The following NOTCH2NLR variants were observed in gnomAD, a reference collection of about 807,000 sequenced individuals.
NOTCH2NLR encodes notch 2 N-terminal like R (pseudogene).
In NOTCH2NLR, 33 loss-of-function variants were observed where a neutral mutation model predicts 35.6. That is an observed-to-expected ratio of 0.93 (90% CI 0.70 to 1.24). The LOEUF is 1.24. Among genes scored for constraint, NOTCH2NLR ranks in the 50% most tolerant of loss-of-function variants. The pLI, the probability that NOTCH2NLR is intolerant of heterozygous loss-of-function variation, is 0.00. For synonymous variants in NOTCH2NLR, 103 were observed against 141.0 expected (o/e 0.73, Z 1.91); for missense variants, 276 against 362.2 (o/e 0.76, Z 1.93).
At chr1:120,758,762 A>C (rs1651102348) in intron 1 of NOTCH2NLR, among the ~76,000 whole-genome samples, 1 of 44,728 alleles carries the variant, frequency 2.2e-5, no homozygotes, top group Admixed American at 2.0e-4. Context: ...CTGGAATACC[A>C]GTCTAATTCC....
intron 2 of NOTCH2NLR, among the ~76,000 whole-genome samples, chr1:120,765,766 G>A (rs1190011334): frequency 7.9e-6 from 1 of 126,684 alleles, no homozygotes; most frequent in East Asian, 2.0e-4. Context: ...TAAAGAAAAT[G>A]TGGCATGTAT....
At chr1:120,770,421 G>A (rs1172744922) in intron 2 of NOTCH2NLR, among the ~76,000 whole-genome samples, 4 of 111,394 alleles carry the variant, frequency 3.6e-5, no homozygotes, top group South Asian at 2.6e-4. Flanking sequence ...TGCCCGCCTC[G>A]GCCTCCCAAA....
At chr1:120,789,503 A>T (rs1212903887) in intron 3 of NOTCH2NLR, among the ~76,000 whole-genome samples, 3 of 113,798 alleles carry the variant, frequency 2.6e-5, no homozygotes, top group Non-Finnish European at 5.0e-5. Context: ...GCAAAAGCAG[A>T]ACCCCTGAGG....
Position 120,790,396 on chromosome 1 carries a change from T to C in NOTCH2NLR, c.416-2765T>C, listed in dbSNP as rs1439262882. Among the ~76,000 whole-genome samples, 5 of 115,606 alleles carry C rather than the reference T, an allele frequency of 4.3e-5. 1 individual carries two copies. The highest frequency in any genetic ancestry group is 8.2e-5 in the Non-Finnish European group (5 of 60,656). 75.8% of individuals were successfully genotyped at this position (115,606 alleles called of 152,430 possible). ...CAGATCAAGGTCATCCTTTTGGTTT[T>C]TGTGATAGCACTATACCTCAGTCAG... On this transcript the variant is annotated intron_variant, in intron 3 of 4. Transcript: ENST00000624419.
At position 120,724,707 on chromosome 1, in the gene NOTCH2NLR, A is replaced by C. The variant is rs1650798719; in HGVS notation, c.73+457A>C. ...CAAGCCAAACGGCCTGCAGCTTCGC[A>C]GCCAGCCTCGCCTTTGCCAGGGGGC... On this transcript the variant is annotated intron_variant, in intron 1 of 4. Coordinates refer to ENST00000624419, the Ensembl canonical transcript of NOTCH2NLR. Among the ~76,000 whole-genome samples, 2 of 124,314 alleles carry C rather than the reference A, an allele frequency of 1.6e-5. 1 individual carries two copies. Among genetic ancestry groups the C allele is most frequent in the Non-Finnish European group, 3.3e-5 (2 of 61,338 alleles). 81.6% of individuals were successfully genotyped at this position (124,314 alleles called of 152,430 possible).
chr1:120,784,926 C>T (rs1651404388), intron 2 of NOTCH2NLR, 48 bp from the exon 3 acceptor site: 1 of 1,148,074 alleles, frequency 8.7e-7, no homozygotes. Flanking sequence ...ATTTTTTGGA[C>T]TTACAAGAAG....
chr1:120,754,299 G>C (rs1181389889), intron 1 of NOTCH2NLR, among the ~76,000 whole-genome samples: 1 of 35,258 alleles, frequency 2.8e-5, no homozygotes, highest in Non-Finnish European at 4.8e-5. Flanking sequence ...TACAGATAGT[G>C]GAACAGAACA....
intron 2 of NOTCH2NLR, among the ~76,000 whole-genome samples, chr1:120,769,288 A>C (rs1651233631): frequency 6.6e-6 from 1 of 151,834 alleles, no homozygotes; most frequent in Non-Finnish European, 1.5e-5. Flanking sequence ...AGGCGTTTTC[A>C]GAAGTCATGG....
Position 120,764,017 on chromosome 1 carries a change from G to A in NOTCH2NLR, c.155+308G>A, listed in dbSNP as rs1382636318. On this transcript the variant is annotated intron_variant, in intron 2 of 4. Coordinates refer to ENST00000624419, the Ensembl canonical transcript of NOTCH2NLR. ...TAATCCCAGCACTTCAGGAGGCTGA[G>A]TTGGGCGAATCACGAGGTCAGGAGT... Among the ~76,000 whole-genome samples, 8 of 115,102 alleles carry A rather than the reference G, an allele frequency of 7.0e-5. 2 individuals are homozygous for A. The highest frequency in any genetic ancestry group is 1.3e-4 in the Non-Finnish European group (8 of 60,048). The allele number at this position is 115,102 out of a possible 152,430, so 75.5% of individuals were successfully genotyped here.
At chr1:120,791,342 G>A (rs1398275935) in intron 3 of NOTCH2NLR, among the ~76,000 whole-genome samples, 1 of 99,232 alleles carries the variant, frequency 1.0e-5, no homozygotes, top group Non-Finnish European at 1.8e-5. Flanking sequence ...AAAGACACAT[G>A]CACACGTATG....
In NOTCH2NLR at chr1:120,790,596, TTC is replaced by T. The variant is rs1557985479; in HGVS notation, c.416-2557_416-2556del. ...TCTTTCTTTCTTTCTTTCTTTCTCTTTCTCTCTCTTTCCCTCTCTCTTTCTGT... is the reference window on the plus strand; with the variant it reads ...TCTTTCTTTCTTTCTTTCTTTCTCTTTCTCTCTTTCCCTCTCTCTTTCTGT... On this transcript the variant is annotated intron_variant, in intron 3 of 4. Transcript: ENST00000624419. Among the ~76,000 whole-genome samples, 4 of 95,440 alleles carry T rather than the reference TTC, an allele frequency of 4.2e-5. 1 individual carries two copies. In the South Asian group the frequency reaches 1.2e-3, roughly 30 times the overall value. The allele number at this position is 95,440 out of a possible 152,430, so 62.6% of individuals were successfully genotyped here.
At chr1:120,734,324 A>G (rs1212133388) in intron 1 of NOTCH2NLR, among the ~76,000 whole-genome samples, 1 of 36,168 alleles carries the variant, frequency 2.8e-5, no homozygotes, top group Non-Finnish European at 4.6e-5. Flanking sequence ...CTATTACCAT[A>G]TTTAGCATGA....
At chr1:120,778,442 CAT>C (rs1651323796) in intron 2 of NOTCH2NLR, among the ~76,000 whole-genome samples, 1 of 111,964 alleles carries the variant, frequency 8.9e-6, no homozygotes, top group African/African-American at 5.6e-5. Flanking sequence ...ACGCAACCCA[CAT>C]GAGACTTTTT....
intron 2 of NOTCH2NLR, among the ~76,000 whole-genome samples, chr1:120,783,948 T>A (rs1280607173): frequency 9.3e-6 from 1 of 108,040 alleles, no homozygotes; most frequent in Non-Finnish European, 1.7e-5. Flanking sequence ...TAGAGGAAAG[T>A]CATTGTTTTT....
intron 2 of NOTCH2NLR, among the ~76,000 whole-genome samples, chr1:120,777,516 C>A (rs1651312660): frequency 9.0e-6 from 1 of 110,592 alleles, no homozygotes; most frequent in Non-Finnish European, 1.7e-5. Context: ...ACTAGTAAGG[C>A]CCTAGAAAAA....
In NOTCH2NLR at chr1:120,729,761, T is replaced by C. The variant is rs1222948077; in HGVS notation, c.73+5511T>C. On this transcript the variant is annotated intron_variant, in intron 1 of 4. Transcript: ENST00000624419. ...CAGGTGTTCTCATGGAGATTCTGAT[T>C]CAGTGCATCTGGAGTGTCATCTGGG... Among the ~76,000 whole-genome samples, 3 of 117,280 alleles carry C rather than the reference T, an allele frequency of 2.6e-5. No homozygotes were observed. In the East Asian group the frequency reaches 6.3e-4, roughly 25 times the overall value. The allele number at this position is 117,280 out of a possible 152,430, so 76.9% of individuals were successfully genotyped here.
chr1:120,752,759 A>G (rs1651040276), intron 1 of NOTCH2NLR, among the ~76,000 whole-genome samples: 1 of 48,906 alleles, frequency 2.0e-5, no homozygotes, highest in Non-Finnish European at 3.3e-5. Flanking sequence ...TACTTTTAGT[A>G]GAGATGTGGT....
rs1336658499 is a variant in NOTCH2NLR at position 120,770,236 on chromosome 1, C to A, written c.155+6527C>A. ...CCAGGCTGGAGTGCAGTGGCGCTTTCTTGGCTCACTGCAAGCTCCGCCTCC... is the reference window on the plus strand; with the variant it reads ...CCAGGCTGGAGTGCAGTGGCGCTTTATTGGCTCACTGCAAGCTCCGCCTCC... On this transcript the variant is annotated intron_variant, in intron 2 of 4. Coordinates refer to ENST00000624419, the Ensembl canonical transcript of NOTCH2NLR. Among the ~76,000 whole-genome samples the A allele has an allele frequency of 3.9e-5, 4 of 103,078 alleles. 1 individual carries two copies. The highest frequency in any genetic ancestry group is 7.2e-5 in the Non-Finnish European group (4 of 55,570). 67.6% of individuals were successfully genotyped at this position (103,078 alleles called of 152,430 possible).
intron 1 of NOTCH2NLR, among the ~76,000 whole-genome samples, chr1:120,761,056 T>C (rs1651132324): frequency 8.0e-6 from 1 of 125,214 alleles, no homozygotes; most frequent in Non-Finnish European, 1.6e-5. Flanking sequence ...CCAAGTGGCA[T>C]TAATTATTAG....
Sources: gnomAD v4.1 joint callset for allele counts (sites outside exome capture counted in the v4.1 genomes callset) on GRCh38, gnomAD v4.1.1 for gene constraint, MANE v1.5 for transcripts, NCBI Gene and HGNC (gene_info 2026-07-23, HGNC 2026-07-21) for gene names.